The following RFX7 variants were observed in gnomAD, a reference collection of about 807,000 sequenced individuals.
The protein encoded by RFX7 is DNA-binding protein RFX7.
Under a neutral mutation model 111.8 loss-of-function variants are expected in RFX7, and 26 were observed. The ratio of observed to expected loss-of-function variants is 0.23; its 90% CI spans 0.17 to 0.32. The LOEUF is 0.32. Ranked by LOEUF, RFX7 falls within the 10% of genes least tolerant of loss-of-function variation. The pLI is 1.00. For synonymous variants in RFX7, 624 were observed against 624.4 expected (o/e 1.00, Z 0.01); for missense variants, 1,573 against 1,772.9 (o/e 0.89, Z 2.02).
chr15:56,221,479 G>A (rs1438717919), intron 2 of RFX7, among the ~76,000 whole-genome samples: 7 of 151,932 alleles, frequency 4.6e-5, no homozygotes. Flanking sequence ...ATCTCTTGTA[G>A]ACAGTATATA....
In RFX7 at chr15:56,140,358, G is replaced by T. The variant is rs199934396; in HGVS notation, c.401+2420C>A. 2.8e-3 allele frequency among the ~76,000 whole-genome samples: 421 copies of T among 150,484 alleles called. 5 individuals are homozygous for T. Among genetic ancestry groups the T allele is most frequent in the Admixed American group, 7.9e-3 (119 of 15,096 alleles). ...AGCCCGTCGGAAAAGCGCAGTATTCGGGTGGGAGTGACCCGATTTTCCAGG... is the reference window on the plus strand; with the variant it reads ...AGCCCGTCGGAAAAGCGCAGTATTCTGGTGGGAGTGACCCGATTTTCCAGG... On this transcript the variant is annotated intron_variant, in intron 5 of 9. Transcript: ENST00000559447.
intron 2 of RFX7, among the ~76,000 whole-genome samples, chr15:56,208,932 A>T (rs75804032): frequency 0.13 from 19,768 of 152,098 alleles, 1,666 homozygotes; most frequent in East Asian, 0.44. Context: ...CAAAGGGTGT[A>T]ACATATGTGT....
At chr15:56,112,089 T>A (rs1330224263) in intron 5 of RFX7, among the ~76,000 whole-genome samples, 5 of 146,098 alleles carry the variant, frequency 3.4e-5, no homozygotes, top group African/African-American at 1.3e-4. Flanking sequence ...CACTCCAGGC[T>A]GGGCAATAGA....
rs1384663868 is a variant in RFX7, at chr15:56,182,046, C to A, written c.162-2743G>T. ...GATGATCTGTCACTGTCTCCCATTG[C>A]TCCCAGAAGAGACCACTATCTAGTT... On this transcript the variant is annotated intron_variant, in intron 2 of 9. Coordinates refer to ENST00000559447, the MANE Select transcript of RFX7 (RefSeq NM_022841.7). 3.9e-5 allele frequency among the ~76,000 whole-genome samples: 6 copies of A among 152,050 alleles called. 1 individual carries two copies. In the East Asian group the frequency reaches 1.2e-3, roughly 29 times the overall value.
intron 2 of RFX7, among the ~76,000 whole-genome samples, chr15:56,216,854 G>A (rs935627066): frequency 2.6e-5 from 4 of 151,030 alleles, no homozygotes; most frequent in African/African-American, 4.9e-5. Flanking sequence ...ATAGGGTCTC[G>A]CTATGTTGCC....
At chr15:56,097,491 G>A (rs1379068192) in intron 9 of RFX7, among the ~76,000 whole-genome samples, 2 of 151,990 alleles carry the variant, frequency 1.3e-5, no homozygotes, top group African/African-American at 2.4e-5. Context: ...GGTGGCTCAC[G>A]CTTATAATCC....
chr15:56,213,087 A>T (rs1280044089), intron 2 of RFX7, among the ~76,000 whole-genome samples: 1 of 152,246 alleles, frequency 6.6e-6, no homozygotes, highest in Non-Finnish European at 1.5e-5. Context: ...AACATGGTAC[A>T]GACATTCTGG....
At chr15:56,184,193 A>ATTTTTTTTTTTTTTTT (rs35880948) in intron 2 of RFX7, among the ~76,000 whole-genome samples, 1 of 80,734 alleles carries the variant, frequency 1.2e-5, no homozygotes, top group African/African-American at 5.0e-5. Context: ...CTAATTTTGT[A>ATTTTTTTTTTTTTTTT]TTTTTTTTTT....
At chr15:56,134,186 G>A (rs1173949662) in intron 5 of RFX7, among the ~76,000 whole-genome samples, 2 of 152,036 alleles carry the variant, frequency 1.3e-5, no homozygotes, top group Non-Finnish European at 2.9e-5. Context: ...CACTAGTTTT[G>A]TCACACTGGT....
intron 2 of RFX7, among the ~76,000 whole-genome samples, chr15:56,208,552 G>C (rs1202670168): frequency 6.6e-6 from 1 of 152,118 alleles, no homozygotes; most frequent in South Asian, 2.1e-4. Context: ...CCAGTTTCAA[G>C]AGCACAGCAA....
At chr15:56,236,492 A>C (rs369274366) in intron 2 of RFX7, among the ~76,000 whole-genome samples, 245 of 152,298 alleles carry the variant, frequency 1.6e-3, no homozygotes, top group African/African-American at 5.7e-3. Context: ...AGAATGGTAG[A>C]ATAGGAGGCA....
At position 56,201,988 on chromosome 15, in the gene RFX7, G is replaced by A. The variant is rs188410938; in HGVS notation, c.162-22685C>T. Among the ~76,000 whole-genome samples the A allele has an allele frequency of 9.5e-3, 1,448 of 152,182 alleles. 25 individuals carry two copies. The highest frequency in any genetic ancestry group is 0.033 in the African/African-American group (1,366 of 41,502). ...AGAGCTTGCAGTGAGCTGAGATCGC[G>A]TCACTGCACTCCAGCCTGGGCGACA... is the stretch of plus-strand genomic sequence containing the variant. On this transcript the variant is annotated intron_variant, in intron 2 of 9. Transcript: ENST00000559447.
intron 3 of RFX7, among the ~76,000 whole-genome samples, chr15:56,153,029 A>G (rs1371209014): frequency 6.6e-6 from 1 of 152,224 alleles, no homozygotes; most frequent in Non-Finnish European, 1.5e-5. Flanking sequence ...GAATCCCTGA[A>G]TAGACCAATA....
chr15:56,151,497 A>C (rs1350906312), intron 3 of RFX7, among the ~76,000 whole-genome samples: 1 of 152,226 alleles, frequency 6.6e-6, no homozygotes, highest in African/African-American at 2.4e-5. Flanking sequence ...TCCTTTACAG[A>C]CAAGCAAATG....
chr15:56,232,466 C>T (rs2043572164), intron 2 of RFX7, among the ~76,000 whole-genome samples: 1 of 152,158 alleles, frequency 6.6e-6, no homozygotes, highest in Admixed American at 6.5e-5. Context: ...ATGGGAGGGG[C>T]TGCTATGAAG....
At chr15:56,187,575 C>T (rs1352853943) in intron 2 of RFX7, among the ~76,000 whole-genome samples, 1 of 152,086 alleles carries the variant, frequency 6.6e-6, no homozygotes, top group Non-Finnish European at 1.5e-5. Flanking sequence ...GTCTTGCTAG[C>T]TTAAAAAGGA....
chr15:56,228,084 T>C (rs2043506079), intron 2 of RFX7, among the ~76,000 whole-genome samples: 1 of 152,126 alleles, frequency 6.6e-6, no homozygotes, highest in African/African-American at 2.4e-5. Context: ...ATAATTCTTA[T>C]CTTTATTCCT....
intron 5 of RFX7, among the ~76,000 whole-genome samples, chr15:56,140,497 C>G (rs1222879762): frequency 6.6e-6 from 1 of 152,242 alleles, no homozygotes; most frequent in Non-Finnish European, 1.5e-5. Context: ...CACGCACCCA[C>G]TGACCTGCGC....
In RFX7 at chr15:56,089,916, G is replaced by A. The variant is rs1200516441; in HGVS notation, c.*3429C>T. On this transcript the variant is annotated 3_prime_UTR_variant, in exon 10 of 10. Transcript: ENST00000559447. Reference sequence around the variant, plus strand: ...TCTACAAAGATCTATGTAAACAGAGGAGTAGGCTGTTTGAGAAGATCTGTC... The same window carrying A: ...TCTACAAAGATCTATGTAAACAGAGAAGTAGGCTGTTTGAGAAGATCTGTC... 6.6e-6 allele frequency: 1 copy of A among 152,100 alleles called. No homozygotes were observed. Among genetic ancestry groups the A allele is most frequent in the Non-Finnish European group, 1.5e-5 (1 of 68,018 alleles). The allele number at this position is 152,100 out of a possible 1,614,324, so 9.4% of individuals were successfully genotyped here.
Sources: gnomAD v4.1 joint callset for allele counts (sites outside exome capture counted in the v4.1 genomes callset) on GRCh38, gnomAD v4.1.1 for gene constraint, MANE v1.5 for transcripts, NCBI Gene and HGNC (gene_info 2026-07-23, HGNC 2026-07-21) for gene names.